Variants in RYR2 observed in about 807,000 individuals in gnomAD.
The protein encoded by RYR2 is ryanodine receptor 2, also known as cardiac muscle ryanodine receptor-calcium release channel.
In RYR2, 227 loss-of-function variants were observed where a neutral mutation model predicts 601.1. The observed-to-expected ratio is 0.38, with a 90% CI of 0.34 to 0.42. The LOEUF is 0.42. Ranked by LOEUF, RYR2 falls within the 10% of genes least tolerant of loss-of-function variation. RYR2 has a pLI of 1.00. For missense variants in RYR2, 4,646 were observed against 6,156.5 expected (o/e 0.75, Z 8.21); for synonymous variants, 2,223 against 2,175.1 (o/e 1.02, Z -0.61).
intron 1 of RYR2, among the ~76,000 whole-genome samples, chr1:237,070,131 AG>A (rs1014956035): frequency 6.6e-6 from 1 of 151,654 alleles, no homozygotes; most frequent in African/African-American, 2.4e-5. Context: ...CCCAGGCTCA[AG>A]TGATCCTCCC....
At chr1:237,365,706 G>C (rs1246101300) in intron 5 of RYR2, among the ~76,000 whole-genome samples, 1 of 152,202 alleles carries the variant, frequency 6.6e-6, no homozygotes, top group Non-Finnish European at 1.5e-5. Flanking sequence ...TGCTAAATCT[G>C]CATTTGCTGT....
chr1:237,758,217 T>C (rs912723043), intron 82 of RYR2, among the ~76,000 whole-genome samples: 16 of 152,220 alleles, frequency 1.1e-4, no homozygotes, highest in African/African-American at 3.6e-4. Flanking sequence ...GCTTATGTTT[T>C]ACTTAAGAAG....
rs1224597817 is a variant in RYR2 at position 237,614,799 on chromosome 1, G to A, written c.5671G>A (p.Glu1891Lys). 4 of 1,603,608 alleles carry A rather than the reference G, an allele frequency of 2.5e-6. No homozygotes were observed. The Admixed American group carries it at 6.8e-5, about 27-fold the overall frequency. ...EEAKGGKRPKEGLLQMKLPEP... is the reference protein window; with the variant it reads ...EEAKGGKRPKKGLLQMKLPEP... Reference sequence around the variant, plus strand: ...AGCCAAGGGGGGCAAGCGGCCCAAGGAAGGCCTGCTCCAAATGAAACTGCC... The same window carrying A: ...AGCCAAGGGGGGCAAGCGGCCCAAGAAAGGCCTGCTCCAAATGAAACTGCC... The change falls in exon 37 of 105, where the codon GAA becomes AAA. Residue 1891 changes from glutamate to lysine, a missense_variant. Transcript: ENST00000366574. The surrounding 1 kb of genome is among the most constrained non-coding windows in gnomAD (Gnocchi z 4.3).
chr1:237,568,933 G>A lies in RYR2; in HGVS notation c.3424-212G>A, dbSNP rs76949240. The stretch of plus-strand genomic sequence containing the variant: ...ATTTTGGATTTTTTTCCCAAGATTC[G>A]ATAATATACCATGTTAATATTAGGT... On this transcript the variant is annotated intron_variant, in intron 28 of 104. Transcript: ENST00000366574. 0.026 allele frequency among the ~76,000 whole-genome samples: 3,932 copies of A among 152,092 alleles called. 172 individuals are homozygous for A. Among genetic ancestry groups the A allele is most frequent in the African/African-American group, 0.088 (3,650 of 41,500 alleles).
At chr1:237,609,557 A>G (rs1677584859) in intron 35 of RYR2, among the ~76,000 whole-genome samples, 1 of 151,632 alleles carries the variant, frequency 6.6e-6, no homozygotes. Flanking sequence ...GAATTTTTGT[A>G]TTTTTAGCAG....
At chr1:237,100,769 G>T (rs1572632438) in intron 1 of RYR2, among the ~76,000 whole-genome samples, 1 of 152,198 alleles carries the variant, frequency 6.6e-6, no homozygotes, top group East Asian at 1.9e-4. Context: ...TTCTTGAGGG[G>T]TTTTCCAGAG....
rs4430316 is a variant in RYR2 at position 237,643,769 on chromosome 1, T to C, written c.7342+322T>C. Among the ~76,000 whole-genome samples, 151,982 of 152,086 alleles carry C rather than the reference T, an allele frequency of 1. 75,939 individuals carry two copies. Among genetic ancestry groups the C allele is most frequent in the Middle Eastern group, 1 (294 of 294 alleles). On this transcript the variant is annotated intron_variant, in intron 48 of 104. Transcript: ENST00000366574. ...CTGGGACTACAGGCGCCCGTCACCATGCCCGGCTAATTTTTTTTGTATTTT... is the reference window on the plus strand; with the variant it reads ...CTGGGACTACAGGCGCCCGTCACCACGCCCGGCTAATTTTTTTTGTATTTT...
chr1:237,726,199 T>C (rs1426449492), intron 74 of RYR2, 74 bp from the exon 75 acceptor site: 3 of 998,350 alleles, frequency 3.0e-6, no homozygotes, highest in South Asian at 3.0e-5. Flanking sequence ...ACAATCATTT[T>C]TGACTCTTTA....
intron 56 of RYR2, among the ~76,000 whole-genome samples, chr1:237,665,045 T>C (rs1294456525): frequency 6.6e-6 from 1 of 152,188 alleles, no homozygotes; most frequent in Non-Finnish European, 1.5e-5. Flanking sequence ...GCTAAGGATT[T>C]TACATCCATT....
intron 75 of RYR2, 129 bp from the exon 76 acceptor site, chr1:237,726,958 A>C (rs1282355914): frequency 1.7e-6 from 1 of 582,574 alleles, no homozygotes; most frequent in Non-Finnish European, 3.1e-6. Flanking sequence ...TTGGAATTCC[A>C]AATATAGATT....
intron 10 of RYR2, among the ~76,000 whole-genome samples, chr1:237,405,522 C>T (rs951278015): frequency 7.9e-5 from 12 of 152,156 alleles, no homozygotes; most frequent in Non-Finnish European, 1.5e-4. Context: ...CGTATGTCTG[C>T]GTGAATTTCA....
chr1:237,790,327 C>T (rs529632118), intron 92 of RYR2, among the ~76,000 whole-genome samples: 1 of 152,092 alleles, frequency 6.6e-6, no homozygotes, highest in Admixed American at 6.6e-5. Flanking sequence ...CCAAATACAT[C>T]GAGTCTGCCC....
At chr1:237,767,490 C>T (rs931732165) in intron 84 of RYR2, among the ~76,000 whole-genome samples, 2 of 152,060 alleles carry the variant, frequency 1.3e-5, no homozygotes, top group South Asian at 2.1e-4. Context: ...CTTTACCAGT[C>T]GATAGCTATA....
At chr1:237,424,159 A>C (rs544813273) in intron 12 of RYR2, among the ~76,000 whole-genome samples, 11 of 152,284 alleles carry the variant, frequency 7.2e-5, no homozygotes, top group Admixed American at 7.2e-4. Flanking sequence ...TTGGGTGGGG[A>C]CACAGAGCCA....
rs149588183 is a variant in RYR2, at chr1:237,833,862, T to C, written c.*1215T>C. Reference sequence around the variant, plus strand: ...GTCCTTTTAAATGTAATGCTAACCTTTACAATTAAAAAGTCAGATTCAGAA... The same window carrying C: ...GTCCTTTTAAATGTAATGCTAACCTCTACAATTAAAAAGTCAGATTCAGAA... On this transcript the variant is annotated 3_prime_UTR_variant, in exon 105 of 105. Transcript: ENST00000366574. 6.5e-6 allele frequency: 1 copy of C among 152,742 alleles called. No homozygotes were observed. Among genetic ancestry groups the C allele is most frequent in the Non-Finnish European group, 1.5e-5 (1 of 68,026 alleles). The allele number at this position is 152,742 out of a possible 1,614,324, so 9.5% of individuals were successfully genotyped here. A position where few individuals can be genotyped will look rare whatever the true frequency, so the allele number is the denominator to read the frequency against.
At chr1:237,369,057 C>A (rs1201775979) in intron 5 of RYR2, among the ~76,000 whole-genome samples, 4 of 151,918 alleles carry the variant, frequency 2.6e-5, no homozygotes, top group Non-Finnish European at 5.9e-5. Flanking sequence ...CTCCTGACCT[C>A]AGGTAATCGC....
intron 1 of RYR2, among the ~76,000 whole-genome samples, chr1:237,235,668 G>A (rs1685488525): frequency 6.6e-6 from 1 of 152,184 alleles, no homozygotes; most frequent in African/African-American, 2.4e-5. Flanking sequence ...CAGATGTGAG[G>A]AAAACAAAGT....
chr1:237,702,631 A>G (rs1688058288), intron 66 of RYR2, among the ~76,000 whole-genome samples: 1 of 152,132 alleles, frequency 6.6e-6, no homozygotes, highest in African/African-American at 2.4e-5. Flanking sequence ...TTATGAATAG[A>G]TATAAGTTCT....
At chr1:237,503,099 C>G (rs932826233) in intron 21 of RYR2, among the ~76,000 whole-genome samples, 190 bp from the exon 22 acceptor site, 1 of 152,112 alleles carries the variant, frequency 6.6e-6, no homozygotes, top group Non-Finnish European at 1.5e-5. Flanking sequence ...AATATGATGT[C>G]CTCATGTTTT....
Sources: gnomAD v4.1 joint callset for allele counts (sites outside exome capture counted in the v4.1 genomes callset) on GRCh38, gnomAD v4.1.1 for gene constraint, Gnocchi (gnomAD v3.1) non-coding constraint, MANE v1.5 for transcripts, NCBI Gene and HGNC (gene_info 2026-07-23, HGNC 2026-07-21) for gene names.